Variants in KMT2E observed in about 807,000 individuals in gnomAD.
KMT2E encodes the protein histone reader KMT2E.
In KMT2E, 30 loss-of-function variants were observed where a neutral mutation model predicts 184.6. The observed-to-expected ratio is 0.16, with a 90% CI of 0.12 to 0.22. KMT2E has a LOEUF of 0.22. Among genes scored for constraint, KMT2E ranks in the 10% least tolerant of loss-of-function variants. The pLI, the probability that KMT2E is intolerant of heterozygous loss-of-function variation, is 1.00. For missense variants in KMT2E, 2,023 were observed against 2,237.4 expected, an observed-to-expected ratio of 0.90 and a Z score of 1.93; for synonymous variants, 815 against 776.5, an observed-to-expected ratio of 1.05 and a Z score of -0.82.
intron 2 of KMT2E, among the ~76,000 whole-genome samples, chr7:105,040,145 A>G (rs942476525): frequency 1.3e-5 from 2 of 152,200 alleles, no homozygotes; most frequent in African/African-American, 4.8e-5. Context: ...ACTACTGTAC[A>G]GTAATCAAAT....
intron 20 of KMT2E, 39 bp from the exon 21 acceptor site, chr7:105,107,126 AT>A: frequency 9.3e-7 from 1 of 1,077,160 alleles, no homozygotes; most frequent in Non-Finnish European, 1.4e-6. Flanking sequence ...ATACTTACGT[AT>A]TTTTAAATTT....
At chr7:105,080,292 T>A (rs1797711498) in intron 12 of KMT2E, among the ~76,000 whole-genome samples, 1 of 152,230 alleles carries the variant, frequency 6.6e-6, no homozygotes, top group Admixed American at 6.5e-5. Flanking sequence ...TATTTTAGTG[T>A]GGAGTAGAAA....
chr7:105,019,014 CTG>C (rs1562871555), intron 1 of KMT2E, among the ~76,000 whole-genome samples: 1 of 150,922 alleles, frequency 6.6e-6, no homozygotes, highest in East Asian at 1.9e-4. Context: ...ATAAAATACT[CTG>C]TTTAATAGCA....
intron 8 of KMT2E, among the ~76,000 whole-genome samples, chr7:105,075,130 T>C (rs1342079510): frequency 6.6e-6 from 1 of 151,906 alleles, no homozygotes; most frequent in Non-Finnish European, 1.5e-5. Context: ...CACTTGTCTG[T>C]CTGACATAAT....
intron 15 of KMT2E, 66 bp downstream of exon 15, chr7:105,091,380 C>A (rs960761572): frequency 1.2e-6 from 1 of 860,356 alleles, no homozygotes; most frequent in Non-Finnish European, 2.0e-6. Context: ...TTGTTGCTGC[C>A]TTTACATGGG....
intron 3 of KMT2E, among the ~76,000 whole-genome samples, chr7:105,051,161 CTTCCTTCCTTCCTTCCTTTT>C (rs1024214110): frequency 7.7e-5 from 11 of 143,588 alleles, no homozygotes; most frequent in South Asian, 4.3e-4. Flanking sequence ...TCCTCCCTTT[CTTCCTTCCTTCCTTCCTTTT>C]TTCCTTCCTT....
chr7:105,062,147 C>G lies in KMT2E; in HGVS notation c.72-17C>G, dbSNP rs60766560. 7.7e-3 allele frequency: 11,509 copies of G among 1,503,746 alleles called. 755 individuals are homozygous for G. In the African/African-American group the frequency reaches 0.14, roughly 18 times the overall value. The allele number at this position is 1,503,746 out of a possible 1,614,324, so 93.2% of individuals were successfully genotyped here. A position where few individuals can be genotyped will look rare whatever the true frequency, so the allele number is the denominator to read the frequency against. The stretch of plus-strand genomic sequence containing the variant: ...AAAAAGAATGGAATTCTCTTTGATG[C>G]AACTTTTTCCCCCCAGACCAGAATC... On this transcript the variant is annotated splice_polypyrimidine_tract_variant and intron_variant, in intron 3 of 26. Transcript: ENST00000311117.
chr7:105,063,124 G>C (rs1796889425), intron 4 of KMT2E, among the ~76,000 whole-genome samples: 1 of 151,260 alleles, frequency 6.6e-6, no homozygotes, highest in South Asian at 2.1e-4. Context: ...ATGAAATTTG[G>C]ATGTGAATGT....
At chr7:105,076,110 A>ATC in intron 9 of KMT2E, 29 bp downstream of exon 9, 1 of 1,477,190 alleles carries the variant, frequency 6.8e-7, no homozygotes. Context: ...AGGTGTTGTT[A>ATC]TCAACTGTCA....
intron 3 of KMT2E, among the ~76,000 whole-genome samples, chr7:105,060,681 C>A (rs1022025540): frequency 6.6e-6 from 1 of 152,120 alleles, no homozygotes; most frequent in East Asian, 1.9e-4. Context: ...AGTGACCCTC[C>A]TGTCTCAGAC....
At chr7:105,055,433 T>G (rs541755926) in intron 3 of KMT2E, among the ~76,000 whole-genome samples, 1 of 152,180 alleles carries the variant, frequency 6.6e-6, no homozygotes, top group Non-Finnish European at 1.5e-5. Context: ...CTAGTCCTTG[T>G]CTATTCTCAT....
At chr7:105,039,322 ATACC>A (rs1562884813) in intron 2 of KMT2E, 1 of 152,364 alleles carries the variant, frequency 6.6e-6, no homozygotes, top group East Asian at 1.9e-4. Flanking sequence ...TAGTAAATAA[ATACC>A]TAAGTAGATT....
At chr7:105,058,626 AG>A (rs971862171) in intron 3 of KMT2E, among the ~76,000 whole-genome samples, 4 of 152,168 alleles carry the variant, frequency 2.6e-5, no homozygotes, top group Admixed American at 6.5e-5. Context: ...TATGCATTTC[AG>A]TTGTTCTACT....
rs921934957 is a variant in KMT2E at position 105,077,043 on chromosome 7, A to C, written c.849A>C (p.Arg283=). 1 of 1,613,918 alleles carries C rather than the reference A, an allele frequency of 6.2e-7. No homozygotes were observed. The highest frequency in any genetic ancestry group is 8.5e-7 in the Non-Finnish European group (1 of 1,180,012). The change falls in exon 10 of 27, where the codon CGA becomes CGC. Residue 283 remains arginine (R), a synonymous_variant. Transcript: ENST00000311117. Reference sequence around the variant, plus strand: ...CAAAGATCAAAGCATGGATGGATCGATATGAAGAAGCAAATAACAACCAGT... The same window carrying C: ...CAAAGATCAAAGCATGGATGGATCGCTATGAAGAAGCAAATAACAACCAGT... ...WETKIKAWMD[R]YEEANNNQYS... is the part of the protein sequence containing the mutation.
intron 6 of KMT2E, among the ~76,000 whole-genome samples, chr7:105,071,813 C>G (rs985234539): frequency 3.3e-5 from 5 of 151,088 alleles, no homozygotes; most frequent in African/African-American, 4.9e-5. Flanking sequence ...CCAAGCCTCA[C>G]AACAGAGTGT....
chr7:105,084,233 A>G (rs983648701), intron 13 of KMT2E, among the ~76,000 whole-genome samples: 88 of 152,288 alleles, frequency 5.8e-4, no homozygotes, highest in African/African-American at 2.0e-3. Flanking sequence ...ATCTTTAGCA[A>G]TTCAACTTCT....
chr7:105,075,125 G>T (rs866575022), intron 8 of KMT2E, among the ~76,000 whole-genome samples: 9 of 150,626 alleles, frequency 6.0e-5, no homozygotes, highest in Middle Eastern at 7.0e-3. Context: ...CCTTTCACTT[G>T]TCTGTCTGAC....
intron 1 of KMT2E, among the ~76,000 whole-genome samples, chr7:105,026,993 T>C (rs1245969115): frequency 6.6e-6 from 1 of 152,198 alleles, no homozygotes; most frequent in East Asian, 1.9e-4. Flanking sequence ...TAAATGGTTT[T>C]TATGAGTGAC....
intron 4 of KMT2E, 114 bp downstream of exon 4, chr7:105,062,392 A>G (rs1796854200): frequency 1.0e-5 from 6 of 578,276 alleles, no homozygotes. Flanking sequence ...GTTTCATACT[A>G]TCAAAATAAT....
Sources: allele counts gnomAD v4.1 joint callset (sites outside exome capture counted in the v4.1 genomes callset), GRCh38; gene constraint gnomAD v4.1.1; transcripts MANE v1.5; gene names NCBI Gene and HGNC (gene_info 2026-07-23, HGNC 2026-07-21).